PCDHGB2: variants seen among roughly 807,000 people sequenced by gnomAD.
PCDHGB2 encodes protocadherin gamma subfamily B, 2, also known as protocadherin gamma-B2.
Under a neutral mutation model 59.3 loss-of-function variants are expected in PCDHGB2, and 55 were observed. That is an observed-to-expected ratio of 0.93 (90% CI 0.75 to 1.16). PCDHGB2 has a LOEUF of 1.16. PCDHGB2 is among the 50% of genes most tolerant of loss of function. The probability of loss-of-function intolerance (pLI) is 0.00; values close to 1 mark genes in which losing one functional copy is unlikely to be tolerated. For missense variants in PCDHGB2, 1,228 were observed against 1,198.5 expected (o/e 1.02, Z -0.36); for synonymous variants, 516 against 512.0 (o/e 1.01, Z -0.11).
chr5:141,451,908 G>C (rs899191624), intron 1 of PCDHGB2, among the ~76,000 whole-genome samples: 1 of 152,046 alleles, frequency 6.6e-6, no homozygotes, highest in Non-Finnish European at 1.5e-5. Flanking sequence ...AAGGGAGGGA[G>C]GGAGGAAGGA....
intron 1 of PCDHGB2, chr5:141,398,587 C>G: frequency 6.2e-7 from 1 of 1,613,860 alleles, no homozygotes; most frequent in Non-Finnish European, 8.5e-7. Context: ...AAGATTTATA[C>G]TAGAAGTAGC....
Position 141,360,818 on chromosome 5 carries a change from T to C in PCDHGB2, c.683T>C (p.Ile228Thr), listed in dbSNP as rs375213182. The change falls in exon 1 of 4, where the codon ATC becomes ACC. Residue 228 changes from isoleucine to threonine, a missense_variant. By Grantham distance (89) the Ile-to-Thr change is moderately conservative. Coordinates refer to ENST00000522605, the MANE Select transcript of PCDHGB2 (RefSeq NM_018923.3). ...CCACCTCAAAGTGGCACGACCCAAA[T>C]CCGAATCAAAGTCACGGATGCCAAC... The part of the protein sequence containing the change: ...GDPPQSGTTQ[I>T]RIKVTDANDN... 6.2e-7 allele frequency: 1 copy of C among 1,613,810 alleles called. No homozygotes were observed. Among genetic ancestry groups the C allele is most frequent in the African/African-American group, 1.3e-5 (1 of 74,912 alleles).
In PCDHGB2 at chr5:141,415,740, GTTTTTTTTTT is replaced by G. The variant is rs57426385; in HGVS notation, c.2421+53207_2421+53216del. The G allele has an allele frequency of 4.3e-3, 2,655 of 623,934 alleles. 2 individuals carry two copies. The highest frequency in any genetic ancestry group is 4.3e-3 in the Non-Finnish European group (2,016 of 468,394). The allele number at this position is 623,934 out of a possible 1,614,324, so 38.6% of individuals were successfully genotyped here. ...TGAGTAGAATTTGATGTTTATTAAG[GTTTTTTTTTT>G]TTTTTTTTTTTTTTTTTTTTTTACT... On this transcript the variant is annotated intron_variant, in intron 1 of 3. Coordinates refer to ENST00000522605, the MANE Select transcript of PCDHGB2 (RefSeq NM_018923.3).
rs1180919465 is a variant in PCDHGB2 at position 141,410,681 on chromosome 5, G to A, written c.2421+48125G>A. On this transcript the variant is annotated intron_variant, in intron 1 of 3. Coordinates refer to ENST00000522605, the MANE Select transcript of PCDHGB2 (RefSeq NM_018923.3). ...AGTCTACTAGTTTCTCATATTTTAG[G>A]CATACTACTTTATTTTCATATCTAG... The A allele has an allele frequency of 3.9e-6, 6 of 1,535,084 alleles. No homozygotes were observed. The East Asian group carries it at 1.4e-4, about 35-fold the overall frequency.
At chr5:141,366,209 C>A (rs371864119) in intron 1 of PCDHGB2, 11 of 1,613,698 alleles carry the variant, frequency 6.8e-6, no homozygotes, top group African/African-American at 1.3e-5. Flanking sequence ...GGGCGAGGTG[C>A]GCACAGCGCG....
intron 1 of PCDHGB2, chr5:141,370,170 C>G (rs1188782749): frequency 2.2e-6 from 1 of 459,536 alleles, no homozygotes; most frequent in Non-Finnish European, 3.8e-6. Flanking sequence ...AGCAGAGGCG[C>G]CGGGTGCCGC....
intron 1 of PCDHGB2, among the ~76,000 whole-genome samples, chr5:141,462,117 C>G (rs965365318): frequency 6.6e-6 from 1 of 152,170 alleles, no homozygotes; most frequent in African/African-American, 2.4e-5. Flanking sequence ...GCCACTGCAC[C>G]CAGTCCAATT....
intron 1 of PCDHGB2, chr5:141,430,662 C>A: frequency 8.6e-7 from 1 of 1,169,068 alleles, no homozygotes; most frequent in Non-Finnish European, 1.2e-6. Context: ...AACGGAGGAG[C>A]TCTGACTTCC....
chr5:141,422,833 C>T, intron 1 of PCDHGB2: 2 of 1,614,224 alleles, frequency 1.2e-6, no homozygotes, highest in East Asian at 2.2e-5. Context: ...AGTGATAGCA[C>T]GTGACAGCGG....
intron 1 of PCDHGB2, chr5:141,375,437 T>G (rs763678633): frequency 3.1e-6 from 5 of 1,613,964 alleles, no homozygotes; most frequent in Non-Finnish European, 4.2e-6. Flanking sequence ...CCCGCCCACC[T>G]TCCCCCATTC....
intron 1 of PCDHGB2, chr5:141,385,450 CA>C (rs1781205135): frequency 4.1e-6 from 6 of 1,446,726 alleles, no homozygotes; most frequent in Admixed American, 5.7e-5. Context: ...ATGAGTTTAC[CA>C]GTTTCCTTCA....
Position 141,490,866 on chromosome 5 carries a change from C to T in PCDHGB2, c.2422-3941C>T, listed in dbSNP as rs1408465290. The T allele has an allele frequency of 6.2e-7, 1 of 1,613,906 alleles. No homozygotes were observed. The highest frequency in any genetic ancestry group is 1.7e-5 in the Admixed American group (1 of 60,012). ...TGGGGGTTCGAGACTCCGGCTCTCC[C>T]CCATTGCATGCCAACACATCTCTGC... On this transcript the variant is annotated intron_variant, in intron 1 of 3. Coordinates refer to ENST00000522605, the MANE Select transcript of PCDHGB2 (RefSeq NM_018923.3). The surrounding 1 kb of genome is among the most constrained non-coding windows in gnomAD (Gnocchi z 5.4).
chr5:141,433,256 C>T, intron 1 of PCDHGB2: 2 of 1,385,666 alleles, frequency 1.4e-6, no homozygotes, highest in Non-Finnish European at 2.0e-6. Context: ...TGCAGCGGTA[C>T]GATCATAGCT....
chr5:141,399,642 G>T lies in PCDHGB2; in HGVS notation c.2421+37086G>T. 1.9e-6 allele frequency: 3 copies of T among 1,613,750 alleles called. 1 individual carries two copies. Among genetic ancestry groups the T allele is most frequent in the Non-Finnish European group, 2.5e-6 (3 of 1,179,856 alleles). ...TGGCCTCTTACGTGTCCATGAGCGC[G>T]CAAAGTGGGGTGGTGTTCGCGCAGC... On this transcript the variant is annotated intron_variant, in intron 1 of 3. Transcript: ENST00000522605.
chr5:141,419,980 G>T lies in PCDHGB2; in HGVS notation c.2421+57424G>T, dbSNP rs182372807. 1.1e-4 allele frequency: 180 copies of T among 1,614,080 alleles called. No individual in the cohort carries two copies. The East Asian group carries it at 1.1e-3, about 10-fold the overall frequency. On this transcript the variant is annotated intron_variant, in intron 1 of 3. Transcript: ENST00000522605. ...TTTCTGTGCTCTTTCTCCTCGCGGTGATTCTAGCTATTGCTCTACGCCTGC... is the reference window on the plus strand; with the variant it reads ...TTTCTGTGCTCTTTCTCCTCGCGGTTATTCTAGCTATTGCTCTACGCCTGC...
chr5:141,461,286 C>T (rs2099012487), intron 1 of PCDHGB2, among the ~76,000 whole-genome samples: 1 of 152,144 alleles, frequency 6.6e-6, no homozygotes, highest in Admixed American at 6.6e-5. Context: ...TTCCCCACAT[C>T]CACACCAACA....
intron 1 of PCDHGB2, chr5:141,419,126 G>A: frequency 6.2e-7 from 1 of 1,613,770 alleles, no homozygotes; most frequent in Non-Finnish European, 8.5e-7. Context: ...CGTCACCATC[G>A]CAGCCACAGA....
rs534304763 is a variant in PCDHGB2 at position 141,394,533 on chromosome 5, G to T, written c.2421+31977G>T. 2 of 1,614,092 alleles carry T rather than the reference G, an allele frequency of 1.2e-6. No individual in the cohort carries two copies. The highest frequency in any genetic ancestry group is 3.3e-5 in the Admixed American group (2 of 60,014). On this transcript the variant is annotated intron_variant, in intron 1 of 3. Transcript: ENST00000522605. Reference sequence around the variant, plus strand: ...CGCCCTCCCCACAGACGGTTCCACTGGCGTGGAGCTGGCGCCCCGCTCCGC... The same window carrying T: ...CGCCCTCCCCACAGACGGTTCCACTTGCGTGGAGCTGGCGCCCCGCTCCGC...
chr5:141,428,307 C>A, intron 1 of PCDHGB2: 1 of 688,030 alleles, frequency 1.5e-6, no homozygotes, highest in South Asian at 1.6e-5. Flanking sequence ...TTTACCTGGT[C>A]GTGGCCTTGG....
Sources: gnomAD v4.1 joint callset for allele counts (sites outside exome capture counted in the v4.1 genomes callset) on GRCh38, gnomAD v4.1.1 for gene constraint, Gnocchi (gnomAD v3.1) non-coding constraint, MANE v1.5 for transcripts, NCBI Gene and HGNC (gene_info 2026-07-23, HGNC 2026-07-21) for gene names.